Variants in WNK3 observed in about 807,000 individuals in gnomAD.
The protein encoded by WNK3 is serine/threonine-protein kinase WNK3.
In WNK3, 18 loss-of-function variants were observed where a neutral mutation model predicts 116.7. The observed-to-expected ratio is 0.15, with a 90% CI of 0.11 to 0.23. The LOEUF (loss-of-function observed/expected upper bound fraction) is 0.23. WNK3 is among the 10% of genes least tolerant of loss of function. WNK3 has a pLI of 1.00. For missense variants in WNK3, 993 were observed against 1,323.8 expected (o/e 0.75, Z 3.88); for synonymous variants, 404 against 469.4 (o/e 0.86, Z 1.80).
chrX:54,254,095 C>A lies in WNK3; in HGVS notation c.2251-20G>T. 9.2e-7 allele frequency: 1 copy of A among 1,091,117 alleles called. No homozygotes were observed. Among genetic ancestry groups the A allele is most frequent in the South Asian group, 2.0e-5 (1 of 50,272 alleles). 89.9% of individuals were successfully genotyped at this position (1,091,117 alleles called of 1,213,427 possible). A position where few individuals can be genotyped will look rare whatever the true frequency, so the allele number is the denominator to read the frequency against. Reference sequence around the variant, plus strand: ...TGATACCTGAGTACAAACATTTTACCGGTTTAAGAGTCAATCACTGTCTTC... The same window carrying A: ...TGATACCTGAGTACAAACATTTTACAGGTTTAAGAGTCAATCACTGTCTTC... On this transcript the variant is annotated intron_variant, in intron 12 of 23. Coordinates refer to ENST00000354646, the Ensembl canonical transcript of WNK3.
intron 1 of WNK3, among the ~76,000 whole-genome samples, chrX:54,334,811 T>A (rs994113830): frequency 1.8e-5 from 2 of 112,239 alleles, no homozygotes; most frequent in Admixed American, 9.6e-5. Context: ...AAACTAGCAA[T>A]TCTACTTATA....
intron 10 of WNK3, among the ~76,000 whole-genome samples, chrX:54,283,450 C>G (rs185464772): frequency 2.4e-4 from 27 of 111,075 alleles, no homozygotes; most frequent in African/African-American, 8.5e-4. Context: ...GATACCACAT[C>G]ACACCCACTA....
intron 6 of WNK3, among the ~76,000 whole-genome samples, chrX:54,300,408 C>G (rs2068745768): frequency 9.0e-6 from 1 of 111,508 alleles, no homozygotes; most frequent in Non-Finnish European, 1.9e-5. Flanking sequence ...GATCCTCCTG[C>G]CTCGGCCTCC....
intron 22 of WNK3, 28 bp downstream of exon 22, chrX:54,228,686 A>G: frequency 2.1e-6 from 1 of 469,200 alleles, no homozygotes; most frequent in Non-Finnish European, 3.8e-6. Context: ...AAAAAAATTA[A>G]AAGTAAAGAA....
At chrX:54,226,832 T>A (rs1557147986) in intron 22 of WNK3, among the ~76,000 whole-genome samples, 3 of 111,928 alleles carry the variant, frequency 2.7e-5, no homozygotes, top group Non-Finnish European at 5.6e-5. Context: ...GGAGTGAGAC[T>A]CTATCTCAAA....
chrX:54,335,182 T>G (rs1227729898), intron 1 of WNK3, among the ~76,000 whole-genome samples: 1 of 110,285 alleles, frequency 9.1e-6, no homozygotes, highest in Non-Finnish European at 1.9e-5. Flanking sequence ...GGAGAATCAC[T>G]CGAACCTGGG....
intron 2 of WNK3, among the ~76,000 whole-genome samples, chrX:54,330,417 T>A (rs1256602304): frequency 9.1e-6 from 1 of 109,897 alleles, no homozygotes; most frequent in Admixed American, 9.8e-5. Context: ...ATTACCTGAG[T>A]GTGGTGGCAC....
At chrX:54,326,353 G>A (rs2069105214) in intron 2 of WNK3, among the ~76,000 whole-genome samples, 1 of 111,452 alleles carries the variant, frequency 9.0e-6, no homozygotes, top group South Asian at 3.8e-4. Context: ...GCCTTCCAAA[G>A]TGCTGGGATT....
intron 17 of WNK3, among the ~76,000 whole-genome samples, chrX:54,240,298 T>C (rs1170719169): frequency 2.8e-5 from 3 of 108,246 alleles, no homozygotes; most frequent in Non-Finnish European, 5.7e-5. Context: ...AACGAAACTC[T>C]TGTTTCAAAA....
chrX:54,211,714 G>C (rs2067616110), intron 22 of WNK3, among the ~76,000 whole-genome samples: 1 of 109,758 alleles, frequency 9.1e-6, no homozygotes, highest in South Asian at 3.9e-4. Flanking sequence ...TGATGCAAGA[G>C]AATCAATCGC....
intron 22 of WNK3, among the ~76,000 whole-genome samples, chrX:54,214,802 G>A (rs1557144620): frequency 9.0e-6 from 1 of 111,275 alleles, no homozygotes; most frequent in Non-Finnish European, 1.9e-5. Context: ...CACGAGGTCA[G>A]GAGATCGAGA....
chrX:54,327,211 G>A (rs782720739), intron 2 of WNK3, among the ~76,000 whole-genome samples: 7 of 111,930 alleles, frequency 6.3e-5, no homozygotes, highest in Non-Finnish European at 1.3e-4. Context: ...AGCACCATAA[G>A]GTCAATGTAT....
rs782423646 is a variant in WNK3, at chrX:54,254,095, C to T, written c.2251-20G>A. On this transcript the variant is annotated intron_variant, in intron 12 of 23. Coordinates refer to ENST00000354646, the Ensembl canonical transcript of WNK3. ...TGATACCTGAGTACAAACATTTTACCGGTTTAAGAGTCAATCACTGTCTTC... is the reference window on the plus strand; with the variant it reads ...TGATACCTGAGTACAAACATTTTACTGGTTTAAGAGTCAATCACTGTCTTC... 12 of 1,089,515 alleles carry T rather than the reference C, an allele frequency of 1.1e-5. No individual in the cohort carries two copies. Among genetic ancestry groups the T allele is most frequent in the East Asian group, 9.1e-5 (3 of 32,997 alleles). 89.8% of individuals were successfully genotyped at this position (1,089,515 alleles called of 1,213,427 possible). A position where few individuals can be genotyped will look rare whatever the true frequency, so the allele number is the denominator to read the frequency against.
In WNK3 at chrX:54,213,560, AAAAACAAAC is replaced by A. The variant is rs1348067566; in HGVS notation, c.4871-11376_4871-11368del. ...CAGAGTGAGACTCCGTCTCAAAAAAAAAAACAAACAAAAAAAAAAAAACTAGGGGAAAAA... is the reference window on the plus strand; with the variant it reads ...CAGAGTGAGACTCCGTCTCAAAAAAAAAAAAAAAAAAAACTAGGGGAAAAA... On this transcript the variant is annotated intron_variant, in intron 22 of 23. Coordinates refer to ENST00000354646, the Ensembl canonical transcript of WNK3. Among the ~76,000 whole-genome samples the A allele has an allele frequency of 2.5e-4, 25 of 99,163 alleles. 3 individuals are homozygous for A. The highest frequency in any genetic ancestry group is 8.0e-4 in the African/African-American group (19 of 23,668). 86.1% of individuals were successfully genotyped at this position (99,163 alleles called of 115,157 possible).
At chrX:54,339,007 A>T (rs2069282504) in intron 1 of WNK3, among the ~76,000 whole-genome samples, 1 of 108,523 alleles carries the variant, frequency 9.2e-6, no homozygotes, top group Non-Finnish European at 1.9e-5. Context: ...GTCTCAAAAA[A>T]AAAAAAAAAA....
intron 20 of WNK3, 77 bp from the exon 21 acceptor site, chrX:54,233,097 T>C (rs2067920222): frequency 1.3e-6 from 1 of 798,417 alleles, no homozygotes; most frequent in East Asian, 3.2e-5. Flanking sequence ...TAAACCAGTA[T>C]AAGTAAAGTT....
chrX:54,291,021 A>C (rs1188329551), intron 10 of WNK3, among the ~76,000 whole-genome samples: 1 of 111,757 alleles, frequency 8.9e-6, no homozygotes, highest in Non-Finnish European at 1.9e-5. Flanking sequence ...AAACATAAAC[A>C]ATAAGTTGTT....
At position 54,259,243 on chromosome X, in the gene WNK3, G is replaced by A. The variant is rs781798776; in HGVS notation, c.2102+31C>T. 5.0e-5 allele frequency: 53 copies of A among 1,053,236 alleles called. No individual in the cohort carries two copies. In the South Asian group the frequency reaches 9.8e-4, roughly 19 times the overall value. The allele number at this position is 1,053,236 out of a possible 1,213,427, so 86.8% of individuals were successfully genotyped here. On this transcript the variant is annotated intron_variant, in intron 11 of 23. Coordinates refer to ENST00000354646, the Ensembl canonical transcript of WNK3. ...AAACAAACTTCAGCATATCCTCATT[G>A]TTCTCATGGTATTAATTTGAAGATA... is the stretch of plus-strand genomic sequence containing the variant.
chrX:54,297,206 C>T lies in WNK3; in HGVS notation c.1398+969G>A, dbSNP rs1055685171. 2.7e-5 allele frequency among the ~76,000 whole-genome samples: 3 copies of T among 111,251 alleles called. No individual in the cohort carries two copies. The East Asian group carries it at 8.4e-4, about 31-fold the overall frequency. On this transcript the variant is annotated intron_variant, in intron 7 of 23. Coordinates refer to ENST00000354646, the Ensembl canonical transcript of WNK3. ...TCCCACCAACTAGGTGCATGCTTGCCATTCAGTTTTCAAAACAAAACAATA... is the reference window on the plus strand; with the variant it reads ...TCCCACCAACTAGGTGCATGCTTGCTATTCAGTTTTCAAAACAAAACAATA...
Sources: allele counts gnomAD v4.1 joint callset (sites outside exome capture counted in the v4.1 genomes callset), GRCh38; gene constraint gnomAD v4.1.1; transcripts MANE v1.5; gene names NCBI Gene and HGNC (gene_info 2026-07-23, HGNC 2026-07-21).